The following LRRC4C variants were observed in gnomAD, a reference collection of about 807,000 sequenced individuals.
The protein encoded by LRRC4C is leucine-rich repeat-containing protein 4C.
Under a neutral mutation model 33.6 loss-of-function variants are expected in LRRC4C, and 5 were observed. The observed-to-expected ratio is 0.15, with a 90% CI of 0.08 to 0.31. The LOEUF is 0.31. Ranked by LOEUF, LRRC4C falls within the 10% of genes least tolerant of loss-of-function variation. The pLI, the probability that LRRC4C is intolerant of heterozygous loss-of-function variation, is 1.00. For missense variants in LRRC4C, 560 were observed against 796.7 expected, an observed-to-expected ratio of 0.70 and a Z score of 3.58; for synonymous variants, 329 against 302.0, an observed-to-expected ratio of 1.09 and a Z score of -0.93.
chr11:40,500,305 C>T (rs1488534852), intron 3 of LRRC4C, among the ~76,000 whole-genome samples: 3,285 of 136,516 alleles, frequency 0.024, 58 homozygotes, highest in African/African-American at 0.055. Context: ...CACACACACA[C>T]ACACACACAC....
At chr11:40,801,905 G>A (rs1030229743) in intron 2 of LRRC4C, among the ~76,000 whole-genome samples, 12 of 152,072 alleles carry the variant, frequency 7.9e-5, no homozygotes, top group Non-Finnish European at 1.3e-4. Flanking sequence ...AGGTCAAGAA[G>A]GGAGAATCTA....
intron 3 of LRRC4C, among the ~76,000 whole-genome samples, chr11:40,640,709 A>G (rs1331922075): frequency 6.6e-6 from 1 of 152,192 alleles, no homozygotes; most frequent in East Asian, 1.9e-4. Flanking sequence ...TCAAAAATAC[A>G]TTGTAAGAAT....
chr11:40,576,042 C>T (rs1958177542), intron 3 of LRRC4C, among the ~76,000 whole-genome samples: 1 of 152,140 alleles, frequency 6.6e-6, no homozygotes, highest in Admixed American at 6.5e-5. Flanking sequence ...TTGAATTTAT[C>T]TTTATTTTCC....
chr11:40,645,112 A>G (rs1025066536), intron 3 of LRRC4C, among the ~76,000 whole-genome samples: 17 of 152,196 alleles, frequency 1.1e-4, no homozygotes, highest in African/African-American at 3.9e-4. Flanking sequence ...TTCAGTTTAT[A>G]GCCCTGATAC....
intron 2 of LRRC4C, among the ~76,000 whole-genome samples, chr11:40,713,091 G>A (rs1006850095): frequency 9.3e-5 from 14 of 149,822 alleles, no homozygotes; most frequent in South Asian, 4.2e-4. Flanking sequence ...ATTAGATTTC[G>A]GCATGTTGGC....
intron 1 of LRRC4C, among the ~76,000 whole-genome samples, chr11:41,404,901 C>A (rs950541198): frequency 2.6e-5 from 4 of 152,050 alleles, no homozygotes. Flanking sequence ...CTTATTGCCA[C>A]TGGTAAACAA....
chr11:41,214,350 C>T (rs1273610861), intron 1 of LRRC4C, among the ~76,000 whole-genome samples: 1 of 151,920 alleles, frequency 6.6e-6, no homozygotes, highest in Non-Finnish European at 1.5e-5. Flanking sequence ...AGATGTGTGT[C>T]AATGGCCACA....
chr11:41,389,324 A>T (rs77624175), intron 1 of LRRC4C, among the ~76,000 whole-genome samples: 3,231 of 151,942 alleles, frequency 0.021, 126 homozygotes, highest in African/African-American at 0.074. Context: ...GTATGTAGAT[A>T]TGCACCCAGA....
At chr11:41,412,489 C>T (rs980781521) in intron 1 of LRRC4C, among the ~76,000 whole-genome samples, 1 of 152,138 alleles carries the variant, frequency 6.6e-6, no homozygotes, top group Non-Finnish European at 1.5e-5. Flanking sequence ...TATTAGTACA[C>T]TATTTTATTA....
At chr11:41,389,109 T>C (rs930836074) in intron 1 of LRRC4C, among the ~76,000 whole-genome samples, 2 of 151,810 alleles carry the variant, frequency 1.3e-5, no homozygotes, top group Admixed American at 1.3e-4. Flanking sequence ...ATGAGATAAT[T>C]GAATTCTCTT....
At chr11:40,222,654 C>A (rs1366378251) in intron 5 of LRRC4C, among the ~76,000 whole-genome samples, 1 of 152,108 alleles carries the variant, frequency 6.6e-6, no homozygotes, top group Non-Finnish European at 1.5e-5. Context: ...AGAAATAATT[C>A]CTGTACATTC....
intron 5 of LRRC4C, among the ~76,000 whole-genome samples, chr11:40,167,935 C>T (rs982779676): frequency 6.6e-6 from 1 of 151,828 alleles, no homozygotes; most frequent in Admixed American, 6.6e-5. Context: ...TCCCAGCTAC[C>T]GGGGAGGCTG....
intron 4 of LRRC4C, among the ~76,000 whole-genome samples, chr11:40,297,766 T>C (rs1467728782): frequency 6.6e-6 from 1 of 152,198 alleles, no homozygotes; most frequent in African/African-American, 2.4e-5. Flanking sequence ...AGATTTCAAC[T>C]CATGTAATCC....
chr11:41,011,692 G>A (rs1201445934), intron 1 of LRRC4C, among the ~76,000 whole-genome samples: 2 of 151,418 alleles, frequency 1.3e-5, no homozygotes, highest in African/African-American at 4.8e-5. Context: ...TGAAGTAATG[G>A]TTATGGAGTC....
chr11:40,724,262 T>C (rs1187334531), intron 2 of LRRC4C, among the ~76,000 whole-genome samples: 1 of 152,202 alleles, frequency 6.6e-6, no homozygotes, highest in Non-Finnish European at 1.5e-5. Context: ...TTGGATCTAA[T>C]AGACATTGGC....
chr11:41,106,869 A>T (rs925947307), intron 1 of LRRC4C, among the ~76,000 whole-genome samples: 1 of 151,822 alleles, frequency 6.6e-6, no homozygotes, highest in Non-Finnish European at 1.5e-5. Context: ...ATTAAAGGAA[A>T]AATAGACATG....
At chr11:40,976,867 G>A (rs967118883) in intron 1 of LRRC4C, among the ~76,000 whole-genome samples, 2 of 152,046 alleles carry the variant, frequency 1.3e-5, no homozygotes, top group Admixed American at 6.6e-5. Flanking sequence ...CTGGGGCAGG[G>A]GGATCGTTTG....
chr11:40,169,098 C>CATG (rs1859836217), intron 5 of LRRC4C, among the ~76,000 whole-genome samples: 1 of 152,052 alleles, frequency 6.6e-6, no homozygotes, highest in Admixed American at 6.6e-5. Context: ...AGTATGCACT[C>CATG]TCATTGACAT....
intron 2 of LRRC4C, among the ~76,000 whole-genome samples, chr11:40,665,340 A>ATATG (rs1209269386): frequency 3.9e-4 from 6 of 15,268 alleles, no homozygotes; most frequent in Non-Finnish European, 9.3e-4. Flanking sequence ...ATATATATAT[A>ATATG]TATATATATA....
Sources: gnomAD v4.1 joint callset for allele counts (sites outside exome capture counted in the v4.1 genomes callset) on GRCh38, gnomAD v4.1.1 for gene constraint, MANE v1.5 for transcripts, NCBI Gene and HGNC (gene_info 2026-07-23, HGNC 2026-07-21) for gene names.